Variants in KLHL17 observed in about 807,000 individuals in gnomAD.
KLHL17 encodes the protein kelch like family member 17, also known as kelch-like protein 17.
KLHL17 carries 71 observed loss-of-function variants against 64.6 expected under a neutral mutation model. That is an observed-to-expected ratio of 1.10 (90% CI 0.91 to 1.34). The LOEUF (loss-of-function observed/expected upper bound fraction) is 1.34. Among genes scored for constraint, KLHL17 ranks in the 40% most tolerant of loss-of-function variants. KLHL17 has a pLI of 0.00. For missense variants in KLHL17, 1,140 were observed against 935.0 expected, an observed-to-expected ratio of 1.22 and a Z score of -2.86; for synonymous variants, 612 against 405.4, an observed-to-expected ratio of 1.51 and a Z score of -6.12.
intron 11 of KLHL17, 92 bp downstream of exon 11, chr1:964,622 A>T (rs1303454227): frequency 3.3e-6 from 2 of 597,436 alleles, no homozygotes; most frequent in East Asian, 4.5e-5. Context: ...TGCTGCGGGG[A>T]GGGGGGCGCG....
Position 965,441 on chromosome 1 carries a change from GA to G in KLHL17, c.*251del, listed in dbSNP as rs1474476686. The G allele has an allele frequency of 7.2e-6, 4 of 558,642 alleles. No homozygotes were observed. The African/African-American group carries it at 7.6e-5, about 11-fold the overall frequency. 34.6% of individuals were successfully genotyped at this position (558,642 alleles called of 1,614,324 possible). ...CCACTGCCTGCATGGGGGGCGCGGG[GA>G]GTGACCAGGCGGGGGCCTCACCGCC... On this transcript the variant is annotated 3_prime_UTR_variant, in exon 12 of 12. Transcript: ENST00000338591.
Position 964,904 on chromosome 1 carries a change from GCA to G in KLHL17, c.1701-58_1701-57del, listed in dbSNP as rs202081469. 3.9e-6 allele frequency: 5 copies of G among 1,269,522 alleles called. 1 individual carries two copies. The highest frequency in any genetic ancestry group is 5.5e-6 in the Non-Finnish European group (5 of 907,206). The allele number at this position is 1,269,522 out of a possible 1,614,324, so 78.6% of individuals were successfully genotyped here. ...TCCCGCCACCACCCCTTTTTGTGGT[GCA>G]GCCCCTCCCCCCGCATCCCTTCCTG... On this transcript the variant is annotated intron_variant, in intron 11 of 11. Coordinates refer to ENST00000338591, the MANE Select transcript of KLHL17 (RefSeq NM_198317.3).
rs1251435577 is a variant in KLHL17, at chr1:965,452, C to CG, written c.*266dup. ...ATGGGGGGCGCGGGGAGTGACCAGG[C>CG]GGGGGCCTCACCGCCCCAGGGCCGT... On this transcript the variant is annotated 3_prime_UTR_variant, in exon 12 of 12. Coordinates refer to ENST00000338591, the MANE Select transcript of KLHL17 (RefSeq NM_198317.3). The CG allele has an allele frequency of 3.0e-5, 16 of 539,960 alleles. No homozygotes were observed. Among genetic ancestry groups the CG allele is most frequent in the African/African-American group, 2.9e-4 (15 of 52,212 alleles). 33.4% of individuals were successfully genotyped at this position (539,960 alleles called of 1,614,324 possible). A position where few individuals can be genotyped will look rare whatever the true frequency, so the allele number is the denominator to read the frequency against.
chr1:964,994 T>G lies in KLHL17; in HGVS notation c.1732T>G (p.Trp578Gly). Residue 578 changes from tryptophan to glycine, a missense_variant, in exon 12 of 12, where the codon TGG becomes GGG. Coordinates refer to ENST00000338591, the MANE Select transcript of KLHL17 (RefSeq NM_198317.3). ...STHDLVAMDG[W>G]LYAVGGNDGS... ...GCATGACCTGGTGGCCATGGACGGATGGTTGTACGCCGTGGGGGGTAACGA... is the reference window on the plus strand; with the variant it reads ...GCATGACCTGGTGGCCATGGACGGAGGGTTGTACGCCGTGGGGGGTAACGA... 6.2e-7 allele frequency: 1 copy of G among 1,611,596 alleles called. No homozygotes were observed. The highest frequency in any genetic ancestry group is 8.5e-7 in the Non-Finnish European group (1 of 1,179,094).
chr1:965,382 C>G lies in KLHL17; in HGVS notation c.*191C>G, dbSNP rs1277447056. On this transcript the variant is annotated 3_prime_UTR_variant, in exon 12 of 12. Coordinates refer to ENST00000338591, the MANE Select transcript of KLHL17 (RefSeq NM_198317.3). The stretch of plus-strand genomic sequence containing the variant: ...GAGTGCCACGGCTGCCCGTTTACAC[C>G]TTTAGCGTCTGGTCCTCCTGCGTGT... 1.6e-6 allele frequency: 1 copy of G among 610,156 alleles called. No individual in the cohort carries two copies. The highest frequency in any genetic ancestry group is 1.9e-5 in the African/African-American group (1 of 53,952). The allele number at this position is 610,156 out of a possible 1,614,324, so 37.8% of individuals were successfully genotyped here.
rs1264957204 is a variant in KLHL17 at position 961,481 on chromosome 1, C to T, written c.296C>T (p.Ala99Val). 2 of 1,612,528 alleles carry T rather than the reference C, an allele frequency of 1.2e-6. No individual in the cohort carries two copies. Among genetic ancestry groups the T allele is most frequent in the Non-Finnish European group, 1.7e-6 (2 of 1,179,942 alleles). The change falls in exon 2 of 12, where the codon GCT becomes GTT. Residue 99 changes from alanine to valine, a missense_variant. Ala to Val is a moderately conservative substitution (Grantham distance 64). Transcript: ENST00000338591. Reference sequence around the variant, plus strand: ...CTGTGCGACATCGTCCTGCACGTGGCTGCCAAGGAGATCCGTGCGCACAAA... The same window carrying T: ...CTGTGCGACATCGTCCTGCACGTGGTTGCCAAGGAGATCCGTGCGCACAAA... ...GLLCDIVLHV[A>V]AKEIRAHKVV...
At chr1:960,961 C>T (rs1453944314) in intron 1 of KLHL17, 161 bp downstream of exon 1, 1 of 403,078 alleles carries the variant, frequency 2.5e-6, no homozygotes, top group Non-Finnish European at 3.4e-6. Flanking sequence ...TCCCCACCCG[C>T]GCCCCGCGCG....
chr1:964,272 C>G (rs1181670971), intron 10 of KLHL17, 77 bp from the exon 11 acceptor site: 4 of 1,590,944 alleles, frequency 2.5e-6, no homozygotes, highest in East Asian at 2.3e-5. Flanking sequence ...TCCTGACACC[C>G]CACCCTGGAG....
rs759359781 is a variant in KLHL17 at position 964,970 on chromosome 1, C to T, written c.1708C>T (p.His570Tyr). ...ACCCCGCCTTCCCCCCAGGAGCACGCATGACCTGGTGGCCATGGACGGATG... is the reference window on the plus strand; with the variant it reads ...ACCCCGCCTTCCCCCCAGGAGCACGTATGACCTGGTGGCCATGGACGGATG... ...VAPMNIRRST[H>Y]DLVAMDGWLY... The change falls in exon 12 of 12, where the codon CAT (histidine) becomes TAT (tyrosine). Residue 570 changes from histidine (H) to tyrosine (Y), a missense_variant. His to Tyr is a moderately conservative substitution (Grantham distance 83). Transcript: ENST00000338591. 6.2e-7 allele frequency: 1 copy of T among 1,606,916 alleles called. No individual in the cohort carries two copies.
intron 8 of KLHL17, 49 bp downstream of exon 8, chr1:963,553 G>C (rs764225616): frequency 1.3e-6 from 2 of 1,547,336 alleles, no homozygotes; most frequent in African/African-American, 2.7e-5. Flanking sequence ...ATCTGCAAGA[G>C]GCAAGTTTGT....
chr1:963,795 G>A, intron 8 of KLHL17, 125 bp from the exon 9 acceptor site: 1 of 1,143,986 alleles, frequency 8.7e-7, no homozygotes, highest in South Asian at 1.3e-5. Context: ...TGCCTGGTAG[G>A]ACTTTGCGGT....
In KLHL17 at chr1:960,769, GCGCCGCCGCCTCCACCGC is replaced by G. The variant is rs1050748881; in HGVS notation, c.80_97del (p.Pro27_Pro32del). The G allele has an allele frequency of 3.5e-6, 4 of 1,130,872 alleles. No individual in the cohort carries two copies. The Admixed American group carries it at 1.5e-4, about 42-fold the overall frequency. 70.1% of individuals were successfully genotyped at this position (1,130,872 alleles called of 1,614,324 possible). The stretch of plus-strand genomic sequence containing the variant: ...CGGCAGCCCGGGGCCCGGGCCCGAG[GCGCCGCCGCCTCCACCGC>G]CGCAGCCGCCGGCGTGAGTGGGCGG... On this transcript the variant is annotated inframe_deletion, in exon 1 of 12. Transcript: ENST00000338591.
Position 960,701 on chromosome 1 carries a change from C to A in KLHL17, c.8C>A (p.Pro3His). 1 of 1,361,536 alleles carries A rather than the reference C, an allele frequency of 7.3e-7. No individual in the cohort carries two copies. The highest frequency in any genetic ancestry group is 9.5e-7 in the Non-Finnish European group (1 of 1,049,504). The allele number at this position is 1,361,536 out of a possible 1,614,324, so 84.3% of individuals were successfully genotyped here. A position where few individuals can be genotyped will look rare whatever the true frequency, so the allele number is the denominator to read the frequency against. MQPRSERPAGRTQ... is the reference protein window; with the variant it reads MQHRSERPAGRTQ... ...GGTGGGTCCGGCAGCCGAATGCAGC[C>A]CCGCAGCGAGCGCCCGGCCGGCAGG... Residue 3 changes from proline to histidine, a missense_variant, in exon 1 of 12, where the codon CCC becomes CAC. Transcript: ENST00000338591.
Position 960,770 on chromosome 1 carries a change from CGCCGCCGCCTCCACCGCCGCA to C in KLHL17, c.85_105del (p.Pro29_Pro35del), listed in dbSNP as rs890808597. On this transcript the variant is annotated inframe_deletion, in exon 1 of 12. Transcript: ENST00000338591. ...GGCAGCCCGGGGCCCGGGCCCGAGGCGCCGCCGCCTCCACCGCCGCAGCCGCCGGCGTGAGTGGGCGGGGGT... is the reference window on the plus strand; with the variant it reads ...GGCAGCCCGGGGCCCGGGCCCGAGGCGCCGCCGGCGTGAGTGGGCGGGGGT... The C allele has an allele frequency of 5.0e-5, 56 of 1,125,236 alleles. 1 individual carries two copies. The Middle Eastern group carries it at 2.6e-3, about 53-fold the overall frequency. The allele number at this position is 1,125,236 out of a possible 1,614,324, so 69.7% of individuals were successfully genotyped here. A position where few individuals can be genotyped will look rare whatever the true frequency, so the allele number is the denominator to read the frequency against.
In KLHL17 at chr1:964,567, C is replaced by T. The variant is rs534090028; in HGVS notation, c.1700+37C>T. On this transcript the variant is annotated intron_variant, in intron 11 of 11. Coordinates refer to ENST00000338591, the MANE Select transcript of KLHL17 (RefSeq NM_198317.3). ...GGCTGCGGGGAGGGGGGCGCGGGTC[C>T]GCAGTGGGGCTGTGGGAGGGGTCCG... 4 of 1,443,118 alleles carry T rather than the reference C, an allele frequency of 2.8e-6. 1 individual carries two copies. Among genetic ancestry groups the T allele is most frequent in the South Asian group, 1.4e-5 (1 of 71,808 alleles). 89.4% of individuals were successfully genotyped at this position (1,443,118 alleles called of 1,614,324 possible). A position where few individuals can be genotyped will look rare whatever the true frequency, so the allele number is the denominator to read the frequency against.
In KLHL17 at chr1:961,341, C is replaced by G. The variant is rs745981855; in HGVS notation, c.156C>G (p.Pro52=). 1.3e-6 allele frequency: 2 copies of G among 1,567,600 alleles called. No homozygotes were observed. The highest frequency in any genetic ancestry group is 1.7e-6 in the Non-Finnish European group (2 of 1,160,810). The change falls in exon 2 of 12, where the codon CCC becomes CCG. Residue 52 remains proline (P), a synonymous_variant. Transcript: ENST00000338591. ...TRPRQARPAA[P]MEGAVQLLSR... ...CCCGGCAGGCTCGGCCCGCAGCCCC[C>G]ATGGAGGGAGCCGTGCAGCTGCTGA...
At chr1:961,128 CGGCGCGCTCCG>C (rs898035695) in intron 1 of KLHL17, among the ~76,000 whole-genome samples, 154 bp from the exon 2 acceptor site, 1 of 150,890 alleles carries the variant, frequency 6.6e-6, no homozygotes, top group Non-Finnish European at 1.5e-5. Flanking sequence ...GGCCTGGACA[CGGCGCGCTCCG>C]GGGCGGGGGT....
Position 964,115 on chromosome 1 carries a change from C to T in KLHL17, c.1453C>T (p.Leu485=), listed in dbSNP as rs199984918. ...GTGTTGACTTCCGGCAGATGGGAAC[C>T]TGTATGCTGTGGGCGGCTACGACAG... ...YVRVATLDGN[L]YAVGGYDSSS... The change falls in exon 10 of 12, where the codon CTG becomes TTG. Residue 485 remains leucine, a synonymous_variant. Transcript: ENST00000338591. 6 of 1,612,614 alleles carry T rather than the reference C, an allele frequency of 3.7e-6. No individual in the cohort carries two copies. The highest frequency in any genetic ancestry group is 2.2e-5 in the South Asian group (2 of 91,094).
intron 5 of KLHL17, 92 bp from the exon 6 acceptor site, chr1:962,612 A>G (rs1398952281): frequency 6.6e-7 from 1 of 1,520,684 alleles, no homozygotes; most frequent in Non-Finnish European, 8.8e-7. Flanking sequence ...AATCCATCAC[A>G]CAGGTGGTAC....
Sources: allele counts gnomAD v4.1 joint callset (sites outside exome capture counted in the v4.1 genomes callset), GRCh38; gene constraint gnomAD v4.1.1; transcripts MANE v1.5; gene names NCBI Gene and HGNC (gene_info 2026-07-23, HGNC 2026-07-21).